The following NSD1 variants were observed in gnomAD, a reference collection of about 807,000 sequenced individuals.
NSD1 encodes histone-lysine N-methyltransferase, H3 lysine-36 specific.
In NSD1, 26 loss-of-function variants were observed where a neutral mutation model predicts 242.7. That is an observed-to-expected ratio of 0.11 (90% CI 0.08 to 0.15). The LOEUF (loss-of-function observed/expected upper bound fraction) is 0.15. NSD1 is among the 10% of genes least tolerant of loss of function. The probability of loss-of-function intolerance (pLI) is 1.00; values close to 1 mark genes in which losing one functional copy is unlikely to be tolerated. For synonymous variants in NSD1, 1,106 were observed against 1,178.1 expected, an observed-to-expected ratio of 0.94 and a Z score of 1.25; for missense variants, 2,495 against 3,272.8, an observed-to-expected ratio of 0.76 and a Z score of 5.80.
At chr5:177,292,552 C>CT (rs1464209536) in intron 22 of NSD1, among the ~76,000 whole-genome samples, 1 of 152,138 alleles carries the variant, frequency 6.6e-6, no homozygotes, top group African/African-American at 2.4e-5. Flanking sequence ...ATCATGTTGC[C>CT]TTTCTAGAGA....
intron 5 of NSD1, among the ~76,000 whole-genome samples, chr5:177,223,892 A>G (rs1271224724): frequency 6.6e-6 from 1 of 152,202 alleles, no homozygotes; most frequent in Non-Finnish European, 1.5e-5. Context: ...AGGCTGAGGC[A>G]GGAGAATCGC....
chr5:177,290,752 T>G (rs1235479032), intron 21 of NSD1, among the ~76,000 whole-genome samples: 3 of 152,254 alleles, frequency 2.0e-5, no homozygotes, highest in Non-Finnish European at 4.4e-5. Flanking sequence ...TCTTGTTAAA[T>G]AAGGAGAATC....
At chr5:177,209,561 C>A in intron 4 of NSD1, 75 bp from the exon 5 acceptor site, 14 of 983,134 alleles carry the variant, frequency 1.4e-5, no homozygotes, top group Middle Eastern at 2.8e-4. Context: ...AAAAAAAAAG[C>A]TTCTGATTTC....
chr5:177,244,594 A>AC (rs1766134483), intron 9 of NSD1, among the ~76,000 whole-genome samples: 2 of 152,126 alleles, frequency 1.3e-5, no homozygotes, highest in South Asian at 4.1e-4. Flanking sequence ...TCCACACCTG[A>AC]CCAATTTCAT....
At position 177,194,621 on chromosome 5, in the gene NSD1, A is replaced by G. The variant is rs558065479; in HGVS notation, c.1063+2602A>G. The stretch of plus-strand genomic sequence containing the variant: ...TTTTTTTAAAAAGGATGATTTCTCC[A>G]AAGTAGAATTCCTGGATTTGATTTT... On this transcript the variant is annotated intron_variant, in intron 3 of 22. Transcript: ENST00000439151. Among the ~76,000 whole-genome samples, 94 of 144,546 alleles carry G rather than the reference A, an allele frequency of 6.5e-4. No individual in the cohort carries two copies. The South Asian group carries it at 0.02, about 31-fold the overall frequency. 94.8% of individuals were successfully genotyped at this position (144,546 alleles called of 152,430 possible). A position where few individuals can be genotyped will look rare whatever the true frequency, so the allele number is the denominator to read the frequency against.
At position 177,294,502 on chromosome 5, in the gene NSD1, C is replaced by T. The variant is rs776748335; in HGVS notation, c.7134C>T (p.Thr2378=). ...CAAGGCCCCAGTCACTGGAGAAAAC[C>T]TCAGTTCCCACTGGCCTGAGACTTC... ...ASPRPQSLEK[T]SVPTGLRLPP... The change falls in exon 23 of 23, where the codon ACC becomes ACT. Residue 2378 remains threonine, a synonymous_variant. Transcript: ENST00000439151. The T allele has an allele frequency of 6.2e-7, 1 of 1,614,216 alleles. No homozygotes were observed. Among genetic ancestry groups the T allele is most frequent in the Non-Finnish European group, 8.5e-7 (1 of 1,180,050 alleles).
intron 17 of NSD1, among the ~76,000 whole-genome samples, chr5:177,280,014 T>C (rs1176035069): frequency 6.9e-6 from 1 of 145,008 alleles, no homozygotes; most frequent in Non-Finnish European, 1.5e-5. Context: ...TTTTATTTTA[T>C]TTTTTGTGAC....
At chr5:177,136,606 CTT>C (rs1174352886) in intron 2 of NSD1, among the ~76,000 whole-genome samples, 15 of 141,270 alleles carry the variant, frequency 1.1e-4, no homozygotes, top group Non-Finnish European at 1.4e-4. Context: ...ACCATTAGCT[CTT>C]TTTTTTTTTT....
chr5:177,141,482 C>T (rs1756815941), intron 2 of NSD1, among the ~76,000 whole-genome samples: 1 of 151,482 alleles, frequency 6.6e-6, no homozygotes, highest in African/African-American at 2.4e-5. Context: ...AGGCGCCCTC[C>T]ACCATGCTTG....
intron 13 of NSD1, among the ~76,000 whole-genome samples, chr5:177,257,483 G>A (rs949631391): frequency 2.2e-4 from 33 of 151,898 alleles, no homozygotes; most frequent in African/African-American, 6.0e-4. Context: ...CACCTGCCTC[G>A]GCCTCCCAAA....
rs1761480232 is a variant in NSD1 at position 177,189,187 on chromosome 5, G to A, written c.928-2697G>A. Among the ~76,000 whole-genome samples the A allele has an allele frequency of 1.3e-5, 2 of 152,296 alleles. 1 individual carries two copies. The highest frequency in any genetic ancestry group is 6.8e-3 in the Middle Eastern group (2 of 294). ...ATTACTAGTTACTCATTTTGATGGT[G>A]TATTATAGAGTAGGTGTTACTTTCC... is the stretch of plus-strand genomic sequence containing the variant. On this transcript the variant is annotated intron_variant, in intron 2 of 22. Coordinates refer to ENST00000439151, the MANE Select transcript of NSD1 (RefSeq NM_022455.5).
At position 177,212,044 on chromosome 5, in the gene NSD1, G is replaced by T; in HGVS notation, c.3645G>T (p.Glu1215Asp). ...GAACTCCTTCAGCAAGCATACTTGA[G>T]GAACCACTGACAGAGCAAAATCATG... ...EHRTPSASILEEPLTEQNHAD... is the reference protein window; with the variant it reads ...EHRTPSASILDEPLTEQNHAD... Residue 1215 changes from glutamate to aspartate, a missense_variant, in exon 5 of 23, where the codon GAG becomes GAT. Glu to Asp is a conservative substitution (Grantham distance 45). This residue lies in a region of NSD1 where 426 missense variants were observed against 411.4 expected (regional missense o/e 1.04). Coordinates refer to ENST00000439151, the MANE Select transcript of NSD1 (RefSeq NM_022455.5). 1 of 1,614,100 alleles carries T rather than the reference G, an allele frequency of 6.2e-7. No homozygotes were observed. Among genetic ancestry groups the T allele is most frequent in the Non-Finnish European group, 8.5e-7 (1 of 1,180,012 alleles).
At chr5:177,207,500 T>C (rs1402659368) in intron 4 of NSD1, among the ~76,000 whole-genome samples, 1 of 150,014 alleles carries the variant, frequency 6.7e-6, no homozygotes, top group East Asian at 2.0e-4. Flanking sequence ...GCCAGGATGG[T>C]CTCGATCTCC....
At chr5:177,221,344 A>G (rs1351169540) in intron 5 of NSD1, among the ~76,000 whole-genome samples, 2 of 146,706 alleles carry the variant, frequency 1.4e-5, no homozygotes, top group Non-Finnish European at 3.0e-5. Flanking sequence ...TTATCATTTC[A>G]TTTTATGTAT....
chr5:177,266,503 A>G, intron 14 of NSD1: 1 of 627,942 alleles, frequency 1.6e-6, no homozygotes, highest in Non-Finnish European at 2.9e-6. Flanking sequence ...TTTGGACGTC[A>G]TGCCCTCGAC....
intron 12 of NSD1, among the ~76,000 whole-genome samples, chr5:177,254,857 A>T (rs1756300819): frequency 6.6e-6 from 1 of 152,042 alleles, no homozygotes; most frequent in Non-Finnish European, 1.5e-5. Context: ...TTGGTTTTTT[A>T]AATTTGTGGG....
At chr5:177,213,365 G>A (rs1763511186) in intron 5 of NSD1, among the ~76,000 whole-genome samples, 1 of 152,186 alleles carries the variant, frequency 6.6e-6, no homozygotes, top group African/African-American at 2.4e-5. Flanking sequence ...GTGGTTTGTA[G>A]TATAGTCACA....
In NSD1 at chr5:177,156,582, G is replaced by A. The variant is rs192050918; in HGVS notation, c.927+20552G>A. Among the ~76,000 whole-genome samples, 296 of 152,284 alleles carry A rather than the reference G, an allele frequency of 1.9e-3. 1 individual carries two copies. The highest frequency in any genetic ancestry group is 6.2e-3 in the African/African-American group (258 of 41,574). On this transcript the variant is annotated intron_variant, in intron 2 of 22. Coordinates refer to ENST00000439151, the MANE Select transcript of NSD1 (RefSeq NM_022455.5). Reference sequence around the variant, plus strand: ...TCTAGTCCCAGGACTTTGGGTGGCTGAGGCAAGTGGATTGCTTGAGCCCAG... The same window carrying A: ...TCTAGTCCCAGGACTTTGGGTGGCTAAGGCAAGTGGATTGCTTGAGCCCAG...
chr5:177,278,336 C>G (rs1758568720), intron 17 of NSD1, among the ~76,000 whole-genome samples: 1 of 152,178 alleles, frequency 6.6e-6, no homozygotes, highest in Non-Finnish European at 1.5e-5. Flanking sequence ...TCTTGAACTT[C>G]TGGGCTCAAA....
Sources: gnomAD v4.1 joint callset for allele counts (sites outside exome capture counted in the v4.1 genomes callset) on GRCh38, gnomAD v4.1.1 for gene constraint, gnomAD v4.1.1 regional missense constraint, MANE v1.5 for transcripts, NCBI Gene and HGNC (gene_info 2026-07-23, HGNC 2026-07-21) for gene names.